The following ANO2 variants were observed in gnomAD, a reference collection of about 807,000 sequenced individuals.
The protein encoded by ANO2 is anoctamin 2, also known as anoctamin-2.
In ANO2, 101 loss-of-function variants were observed where a neutral mutation model predicts 124.2. That is an observed-to-expected ratio of 0.81 (90% CI 0.69 to 0.96). The LOEUF (loss-of-function observed/expected upper bound fraction) is 0.96, where lower values mean the gene tolerates loss of function less well. ANO2 is among the 40% of genes least tolerant of loss of function. The pLI, the probability that ANO2 is intolerant of heterozygous loss-of-function variation, is 0.00. For synonymous variants in ANO2, 486 were observed against 482.5 expected (o/e 1.01, Z -0.09); for missense variants, 1,293 against 1,274.5 (o/e 1.01, Z -0.22).
intron 1 of ANO2, among the ~76,000 whole-genome samples, chr12:5,943,808 A>T (rs1215429823): frequency 1.3e-5 from 2 of 152,168 alleles, no homozygotes; most frequent in African/African-American, 4.8e-5. Flanking sequence ...AGCCCACAGA[A>T]TGGGTAGCTT....
chr12:5,591,653 T>C lies in ANO2; in HGVS notation c.2233+7831A>G, dbSNP rs1320287240. Among the ~76,000 whole-genome samples the C allele has an allele frequency of 2.0e-5, 3 of 152,270 alleles. No homozygotes were observed. In the East Asian group the frequency reaches 5.8e-4, roughly 29 times the overall value. ...TAGGTCTGACTGGTCTTTACATACA[T>C]AGGGGAAAAATCTCCTTTAGCACTG... On this transcript the variant is annotated intron_variant, in intron 20 of 24. Transcript: ENST00000682330.
At chr12:5,710,220 A>G (rs1478189539) in intron 14 of ANO2, among the ~76,000 whole-genome samples, 1 of 152,222 alleles carries the variant, frequency 6.6e-6, no homozygotes, top group Non-Finnish European at 1.5e-5. Flanking sequence ...GAGAGGGGAC[A>G]GGCCCTGGCT....
At chr12:5,710,096 T>C (rs28648763) in intron 14 of ANO2, among the ~76,000 whole-genome samples, 182 of 152,176 alleles carry the variant, frequency 1.2e-3, no homozygotes, top group African/African-American at 4.2e-3. Flanking sequence ...AAAAGTGAGA[T>C]TAGTGTAATT....
intron 1 of ANO2, among the ~76,000 whole-genome samples, chr12:5,933,834 C>T (rs892084029): frequency 6.6e-6 from 1 of 152,146 alleles, no homozygotes; most frequent in African/African-American, 2.4e-5. Context: ...CTAAGTCATA[C>T]CCAGGTAAAG....
intron 3 of ANO2, among the ~76,000 whole-genome samples, chr12:5,873,239 CT>C (rs1565739357): frequency 6.9e-5 from 10 of 144,826 alleles, no homozygotes; most frequent in African/African-American, 2.6e-4. Context: ...CTCTCTCTCT[CT>C]CTCTCTGTCT....
rs908738843 is a variant in ANO2, at chr12:5,620,350, G to A, written c.1817-5053C>T. Among the ~76,000 whole-genome samples the A allele has an allele frequency of 2.0e-5, 3 of 152,312 alleles. No homozygotes were observed. The South Asian group carries it at 6.2e-4, about 32-fold the overall frequency. On this transcript the variant is annotated intron_variant, in intron 16 of 24. Transcript: ENST00000682330. ...GAGACAGGCAGGGGTGAGACCCTAG[G>A]ACCCACAGCCCTGGGAAGGGACTTG...
chr12:5,619,474 G>A (rs1320178013), intron 16 of ANO2, among the ~76,000 whole-genome samples: 1 of 152,162 alleles, frequency 6.6e-6, no homozygotes, highest in African/African-American at 2.4e-5. Flanking sequence ...GGTGAGATAG[G>A]GAGGCAGAGA....
chr12:5,644,955 T>A (rs1946555319), intron 15 of ANO2, among the ~76,000 whole-genome samples: 1 of 152,232 alleles, frequency 6.6e-6, no homozygotes, highest in Non-Finnish European at 1.5e-5. Flanking sequence ...TTGAAGGTAA[T>A]TTGCCTTTGG....
chr12:5,736,827 G>A (rs1022059623), intron 13 of ANO2, among the ~76,000 whole-genome samples: 3 of 152,074 alleles, frequency 2.0e-5, no homozygotes, highest in East Asian at 3.9e-4. Context: ...CGCTTTCCCA[G>A]GTCAAGGCTG....
intron 20 of ANO2, among the ~76,000 whole-genome samples, chr12:5,586,590 G>A (rs751241977): frequency 6.6e-6 from 1 of 152,200 alleles, no homozygotes; most frequent in Non-Finnish European, 1.5e-5. Flanking sequence ...ACCCATTGCA[G>A]TCTTTACCAT....
intron 1 of ANO2, among the ~76,000 whole-genome samples, chr12:5,939,610 G>A (rs542318969): frequency 1.2e-4 from 19 of 152,178 alleles, no homozygotes; most frequent in East Asian, 1.2e-3. Flanking sequence ...CTGGGTTAAC[G>A]CTCTTATAAG....
chr12:5,583,382 G>A (rs868150002), intron 20 of ANO2, among the ~76,000 whole-genome samples: 1 of 152,038 alleles, frequency 6.6e-6, no homozygotes, highest in Non-Finnish European at 1.5e-5. Flanking sequence ...GGCTGGGCGC[G>A]GTGGCTCACG....
Position 5,832,869 on chromosome 12 carries a change from C to T in ANO2, c.634-266G>A, listed in dbSNP as rs1954199973. ...AGGAGTACAAACTTTCTATATGACT[C>T]GATATCATCTTAGAAAAACTGCACA... On this transcript the variant is annotated intron_variant, in intron 4 of 24. Transcript: ENST00000682330. Among the ~76,000 whole-genome samples the T allele has an allele frequency of 2.6e-5, 4 of 152,256 alleles. 1 individual carries two copies. Among genetic ancestry groups the T allele is most frequent in the South Asian group, 4.2e-4 (2 of 4,816 alleles).
intron 3 of ANO2, among the ~76,000 whole-genome samples, chr12:5,897,936 A>G (rs1939908480): frequency 6.6e-6 from 1 of 152,210 alleles, no homozygotes; most frequent in African/African-American, 2.4e-5. Context: ...TTTATCCACC[A>G]AAAGAGTGAA....
At chr12:5,624,473 A>G (rs1285675567) in intron 16 of ANO2, among the ~76,000 whole-genome samples, 1 of 152,010 alleles carries the variant, frequency 6.6e-6, no homozygotes, top group African/African-American at 2.4e-5. Context: ...GACACCCCCA[A>G]CACCCCTGGG....
chr12:5,671,926 G>A (rs1650016956), intron 14 of ANO2, among the ~76,000 whole-genome samples: 1 of 152,138 alleles, frequency 6.6e-6, no homozygotes, highest in Non-Finnish European at 1.5e-5. Context: ...AATACACCAG[G>A]GAGCTTGGAA....
rs893276686 is a variant in ANO2 at position 5,900,412 on chromosome 12, G to T, written c.534+20628C>A. On this transcript the variant is annotated intron_variant, in intron 3 of 24. Transcript: ENST00000682330. This position sits in a 1 kb window ranked among gnomAD's most constrained non-coding sequence, Gnocchi z 4.2. Reference sequence around the variant, plus strand: ...GTTTAGCACCCATCTAGAGGGCAGAGGACAATTTAAAAATGCATTTGTGAA... The same window carrying T: ...GTTTAGCACCCATCTAGAGGGCAGATGACAATTTAAAAATGCATTTGTGAA... 6.6e-6 allele frequency among the ~76,000 whole-genome samples: 1 copy of T among 152,120 alleles called. No individual in the cohort carries two copies. The highest frequency in any genetic ancestry group is 1.5e-5 in the Non-Finnish European group (1 of 68,012).
chr12:5,754,168 C>A (rs185301611), intron 10 of ANO2, among the ~76,000 whole-genome samples: 35 of 151,880 alleles, frequency 2.3e-4, no homozygotes, highest in Admixed American at 2.0e-3. Flanking sequence ...TGACTTTTGT[C>A]CATTTTTTTT....
intron 23 of ANO2, among the ~76,000 whole-genome samples, chr12:5,571,253 C>T (rs558705766): frequency 1.3e-5 from 2 of 152,334 alleles, no homozygotes; most frequent in Non-Finnish European, 1.5e-5. Context: ...TCCTCCAGGA[C>T]GTGGCGGCCC....
Sources: gnomAD v4.1 joint callset for allele counts (sites outside exome capture counted in the v4.1 genomes callset) on GRCh38, gnomAD v4.1.1 for gene constraint, Gnocchi (gnomAD v3.1) non-coding constraint, MANE v1.5 for transcripts, NCBI Gene and HGNC (gene_info 2026-07-23, HGNC 2026-07-21) for gene names.